CNTLN: variants seen among roughly 807,000 people sequenced by gnomAD.
CNTLN encodes the protein centlein.
CNTLN carries 212 observed loss-of-function variants against 180.0 expected under a neutral mutation model. That is an observed-to-expected ratio of 1.18 (90% CI 1.05 to 1.32). The LOEUF is 1.32. Ranked by LOEUF, CNTLN falls within the 40% of genes most tolerant of loss-of-function variation. The probability of loss-of-function intolerance (pLI) is 0.00; values close to 1 mark genes in which losing one functional copy is unlikely to be tolerated. For missense variants in CNTLN, 2,095 were observed against 1,610.9 expected (o/e 1.30, Z -5.14); for synonymous variants, 722 against 563.1 (o/e 1.28, Z -3.99).
chr9:17,461,806 A>G (rs1264350378), intron 19 of CNTLN, among the ~76,000 whole-genome samples: 2 of 151,630 alleles, frequency 1.3e-5, no homozygotes, highest in African/African-American at 4.8e-5. Context: ...TAATGTGAGT[A>G]TGTCAACACT....
chr9:17,143,561 C>A (rs1385242894), intron 2 of CNTLN, among the ~76,000 whole-genome samples, 185 bp downstream of exon 2: 1 of 152,118 alleles, frequency 6.6e-6, no homozygotes, highest in African/African-American at 2.4e-5. Flanking sequence ...TACAGGTATG[C>A]CCTGTTCCTG....
chr9:17,507,459 A>C (rs2754299), downstream of CNTLN, among the ~76,000 whole-genome samples: 3 of 152,106 alleles, frequency 2.0e-5, no homozygotes, highest in South Asian at 6.2e-4. Flanking sequence ...AACATACAAA[A>C]GTAGATATCA....
intron 3 of CNTLN, among the ~76,000 whole-genome samples, chr9:17,232,484 TGTTTA>T (rs1332202607): frequency 6.6e-6 from 1 of 151,630 alleles, no homozygotes; most frequent in Non-Finnish European, 1.5e-5. Context: ...TGTCAGTGCC[TGTTTA>T]GTTTACTTTA....
At chr9:17,199,529 C>G (rs994162393) in intron 2 of CNTLN, among the ~76,000 whole-genome samples, 4 of 152,112 alleles carry the variant, frequency 2.6e-5, no homozygotes, top group Non-Finnish European at 5.9e-5. Flanking sequence ...TTTTAATAAT[C>G]ACCATTCTAA....
intron 25 of CNTLN, among the ~76,000 whole-genome samples, chr9:17,500,826 TTGTCA>T (rs142726281): frequency 0.049 from 7,494 of 152,258 alleles, 472 homozygotes; most frequent in African/African-American, 0.15. Flanking sequence ...CCCTGTAGTC[TTGTCA>T]TTTTTTTGTG....
chr9:17,259,788 G>T (rs2132351244), intron 5 of CNTLN, among the ~76,000 whole-genome samples: 2 of 147,682 alleles, frequency 1.4e-5, no homozygotes, highest in Middle Eastern at 3.5e-3. Flanking sequence ...ATTCTCTGAT[G>T]GTAATTTATA....
intron 3 of CNTLN, among the ~76,000 whole-genome samples, chr9:17,234,176 G>A (rs140874178): frequency 3.3e-5 from 5 of 152,156 alleles, no homozygotes; most frequent in African/African-American, 9.6e-5. Context: ...GAGTATTGGG[G>A]TTGGGCACGG....
chr9:17,365,953 C>G (rs1205494081), intron 12 of CNTLN, among the ~76,000 whole-genome samples: 1 of 152,002 alleles, frequency 6.6e-6, no homozygotes, highest in Non-Finnish European at 1.5e-5. Flanking sequence ...CTAAAAACAA[C>G]CAAGAAGTGG....
chr9:17,142,083 GAAA>G (rs1180057903), intron 1 of CNTLN, among the ~76,000 whole-genome samples: 2 of 57,752 alleles, frequency 3.5e-5, no homozygotes, highest in African/African-American at 6.3e-5. Flanking sequence ...CTCTGTCTCA[GAAA>G]AAAAAAAAAA....
Position 17,142,702 on chromosome 9 carries a change from C to G in CNTLN, c.361-586C>G, listed in dbSNP as rs899521545. On this transcript the variant is annotated intron_variant, in intron 1 of 25. Coordinates refer to ENST00000380647, the MANE Select transcript of CNTLN (RefSeq NM_017738.4). The stretch of plus-strand genomic sequence containing the variant: ...ACTTTTAAAACATACTGATGCTTGG[C>G]TCTAACCTAAGGCCAATTAATCAGA... 2.6e-5 allele frequency among the ~76,000 whole-genome samples: 4 copies of G among 152,242 alleles called. No homozygotes were observed. In the Middle Eastern group the frequency reaches 0.01, roughly 388 times the overall value.
intron 6 of CNTLN, among the ~76,000 whole-genome samples, chr9:17,291,785 G>A (rs986832574): frequency 6.6e-6 from 1 of 152,052 alleles, no homozygotes; most frequent in South Asian, 2.1e-4. Flanking sequence ...TCTTTTAATC[G>A]GGGCATTTAG....
chr9:17,275,449 A>T, intron 6 of CNTLN, among the ~76,000 whole-genome samples: 1 of 151,596 alleles, frequency 6.6e-6, no homozygotes, highest in East Asian at 1.9e-4. Flanking sequence ...TCTTACATAA[A>T]CTCTCCATGT....
intron 12 of CNTLN, among the ~76,000 whole-genome samples, chr9:17,356,933 T>G (rs1025780194): frequency 2.7e-4 from 41 of 152,114 alleles, no homozygotes; most frequent in Non-Finnish European, 8.8e-5. Context: ...GATTTACACA[T>G]TTGTTTGCTG....
At chr9:17,253,034 C>T (rs528801498) in intron 5 of CNTLN, among the ~76,000 whole-genome samples, 225 of 151,616 alleles carry the variant, frequency 1.5e-3, no homozygotes, top group African/African-American at 5.0e-3. Flanking sequence ...CCTATTCTAT[C>T]GCCAATGTAT....
chr9:17,506,517 T>C (rs1458884934), downstream of CNTLN, among the ~76,000 whole-genome samples: 2 of 152,188 alleles, frequency 1.3e-5, no homozygotes, highest in Non-Finnish European at 2.9e-5. Context: ...TGTTTCAGAA[T>C]ATGGGACAGC....
intron 2 of CNTLN, among the ~76,000 whole-genome samples, chr9:17,160,977 A>G (rs75749229): frequency 0.015 from 2,353 of 152,250 alleles, 54 homozygotes; most frequent in African/African-American, 0.054. Context: ...CTATTAAAGA[A>G]TACTCTCTAA....
At chr9:17,370,726 A>G (rs1263054672) in intron 13 of CNTLN, among the ~76,000 whole-genome samples, 1 of 152,216 alleles carries the variant, frequency 6.6e-6, no homozygotes, top group African/African-American at 2.4e-5. Context: ...GAGCCAATCA[A>G]AAAATAACTA....
chr9:17,281,500 G>A lies in CNTLN; in HGVS notation c.983+7634G>A, dbSNP rs535718438. 9.9e-5 allele frequency among the ~76,000 whole-genome samples: 15 copies of A among 152,038 alleles called. No individual in the cohort carries two copies. The East Asian group carries it at 2.7e-3, about 28-fold the overall frequency. The stretch of plus-strand genomic sequence containing the variant: ...GTGTATTGTTCCCCTACCTGTATCC[G>A]TGTGTTCTCATTGTTCAGCTCCCAC... On this transcript the variant is annotated intron_variant, in intron 6 of 25. Coordinates refer to ENST00000380647, the MANE Select transcript of CNTLN (RefSeq NM_017738.4).
chr9:17,253,316 G>A (rs1391442500), intron 5 of CNTLN, among the ~76,000 whole-genome samples: 2 of 151,546 alleles, frequency 1.3e-5, no homozygotes, highest in Non-Finnish European at 3.0e-5. Context: ...AATGATGTTG[G>A]TAGTAATAGA....
Sources: allele counts gnomAD v4.1 joint callset (sites outside exome capture counted in the v4.1 genomes callset), GRCh38; gene constraint gnomAD v4.1.1; transcripts MANE v1.5; gene names NCBI Gene and HGNC (gene_info 2026-07-23, HGNC 2026-07-21).